MXI1: variants seen among roughly 807,000 people sequenced by gnomAD.
MXI1 encodes the protein max-interacting protein 1.
MXI1 carries 18 observed loss-of-function variants against 36.9 expected under a neutral mutation model. That is an observed-to-expected ratio of 0.49 (90% CI 0.34 to 0.72). The LOEUF (loss-of-function observed/expected upper bound fraction) is 0.72. MXI1 is among the 30% of genes least tolerant of loss of function. The pLI is 0.01. For missense variants in MXI1, 304 were observed against 379.1 expected (o/e 0.80, Z 1.64); for synonymous variants, 160 against 146.7 (o/e 1.09, Z -0.65).
At chr10:110,276,252 A>G (rs886115082) in intron 3 of MXI1, among the ~76,000 whole-genome samples, 11 of 152,102 alleles carry the variant, frequency 7.2e-5, no homozygotes, top group African/African-American at 2.4e-4. Flanking sequence ...ATTCTATATT[A>G]TTCAAGTCCA....
chr10:110,278,599 T>C (rs1024073671), intron 3 of MXI1, among the ~76,000 whole-genome samples: 1 of 152,164 alleles, frequency 6.6e-6, no homozygotes, highest in East Asian at 1.9e-4. Flanking sequence ...TCAACATTTT[T>C]ATAAGTGAAA....
At chr10:110,219,410 A>T (rs1854739674) in intron 1 of MXI1, among the ~76,000 whole-genome samples, 1 of 151,806 alleles carries the variant, frequency 6.6e-6, no homozygotes. Context: ...TAAAATCCAA[A>T]CTCCTTGTCA....
chr10:110,210,111 C>A (rs1442480903), intron 1 of MXI1: 1 of 289,056 alleles, frequency 3.5e-6, no homozygotes, highest in Non-Finnish European at 5.0e-6. Context: ...CCGGCGTGGC[C>A]ACCAGTCACG....
At chr10:110,277,343 G>A (rs1362058796) in intron 3 of MXI1, among the ~76,000 whole-genome samples, 4 of 152,038 alleles carry the variant, frequency 2.6e-5, no homozygotes, top group African/African-American at 7.2e-5. Context: ...TTGTTTCCAC[G>A]CTCCAGTCAT....
intron 1 of MXI1, among the ~76,000 whole-genome samples, chr10:110,221,701 G>A (rs1854811356): frequency 6.6e-6 from 1 of 152,256 alleles, no homozygotes; most frequent in South Asian, 2.1e-4. Flanking sequence ...GTCAAGTGCA[G>A]CTGTTTGAGC....
At chr10:110,240,975 T>C (rs1474646071) in intron 2 of MXI1, among the ~76,000 whole-genome samples, 1 of 152,034 alleles carries the variant, frequency 6.6e-6, no homozygotes, top group Non-Finnish European at 1.5e-5. Flanking sequence ...TGAGCCAAAC[T>C]GTACCATTTC....
chr10:110,273,041 C>CT (rs771024820), intron 3 of MXI1, among the ~76,000 whole-genome samples: 7,175 of 110,954 alleles, frequency 0.065, 355 homozygotes, highest in South Asian at 0.12. Flanking sequence ...GCTTGTTTAG[C>CT]TTTTTTTTTT....
chr10:110,236,124 C>CTTTTTTT lies in MXI1; in HGVS notation c.407+7836_407+7842dup, dbSNP rs60576710. On this transcript the variant is annotated intron_variant, in intron 2 of 5. Transcript: ENST00000332674. ...AGGGTGTGAAGTAAAGGTTGAAGTT[C>CTTTTTTT]TTTTTTTTTTTTTTTTTTTTTTTTT... Among the ~76,000 whole-genome samples the CTTTTTTT allele has an allele frequency of 6.6e-4, 22 of 33,576 alleles. 8 individuals carry two copies. The highest frequency in any genetic ancestry group is 1.1e-3 in the Non-Finnish European group (19 of 17,976). The allele number at this position is 33,576 out of a possible 152,430, so 22.0% of individuals were successfully genotyped here.
At chr10:110,283,038 A>T (rs1218735974) in intron 5 of MXI1, among the ~76,000 whole-genome samples, 1 of 152,064 alleles carries the variant, frequency 6.6e-6, no homozygotes, top group Non-Finnish European at 1.5e-5. Context: ...CCTTGTTATT[A>T]TCTTCTAGTT....
intron 3 of MXI1, among the ~76,000 whole-genome samples, chr10:110,246,196 G>A (rs1461888509): frequency 6.6e-6 from 1 of 151,926 alleles, no homozygotes; most frequent in South Asian, 2.1e-4. Context: ...TGGTGTGGTG[G>A]CATGCAGTCC....
chr10:110,261,767 C>T lies in MXI1; in HGVS notation c.437+16910C>T, dbSNP rs75444802. ...CTGGTCTGAGCTTTTTCATCTTCTC[C>T]TATATTTTCTACCTTTATAACTTCA... On this transcript the variant is annotated intron_variant, in intron 3 of 5. Transcript: ENST00000332674. 3.5e-4 allele frequency among the ~76,000 whole-genome samples: 53 copies of T among 152,112 alleles called. No homozygotes were observed. In the East Asian group the frequency reaches 0.01, roughly 29 times the overall value.
intron 3 of MXI1, among the ~76,000 whole-genome samples, chr10:110,258,224 A>G (rs1157913282): frequency 2.0e-5 from 3 of 152,316 alleles, no homozygotes; most frequent in African/African-American, 7.2e-5. Flanking sequence ...AATGGTGGTT[A>G]CTTCCCATTT....
intron 1 of MXI1, chr10:110,210,181 G>A: frequency 1.1e-6 from 1 of 910,772 alleles, no homozygotes; most frequent in Non-Finnish European, 1.3e-6. Flanking sequence ...GCCCGTGGCG[G>A]CGTAACCGGG....
At chr10:110,259,217 C>G (rs1301338303) in intron 3 of MXI1, among the ~76,000 whole-genome samples, 1 of 151,958 alleles carries the variant, frequency 6.6e-6, no homozygotes, top group Non-Finnish European at 1.5e-5. Flanking sequence ...AACAATTCTT[C>G]TCAAACTATG....
At chr10:110,239,226 T>C (rs1453546680) in intron 2 of MXI1, among the ~76,000 whole-genome samples, 2 of 152,130 alleles carry the variant, frequency 1.3e-5, no homozygotes, top group Admixed American at 6.6e-5. Flanking sequence ...CTCCTCCTGA[T>C]TGTGATAACC....
chr10:110,279,176 T>G lies in MXI1; in HGVS notation c.438-4T>G. On this transcript the variant is annotated splice_region_variant and splice_polypyrimidine_tract_variant and intron_variant, in intron 3 of 5. Transcript: ENST00000332674. ...GTGCTGATTTGACTTTTTGTCTTTC[T>G]TAGACGAGCTCATCTGCGCCTTTGT... The G allele has an allele frequency of 6.2e-7, 1 of 1,611,698 alleles. No homozygotes were observed. Among genetic ancestry groups the G allele is most frequent in the African/African-American group, 1.3e-5 (1 of 74,984 alleles).
At chr10:110,244,417 T>C (rs1354883733) in intron 2 of MXI1, among the ~76,000 whole-genome samples, 1 of 152,032 alleles carries the variant, frequency 6.6e-6, no homozygotes, top group African/African-American at 2.4e-5. Context: ...TTTCTCTGTT[T>C]AGAAGTGGGT....
In MXI1 at chr10:110,266,599, C is replaced by T. The variant is rs11195056; in HGVS notation, c.438-12581C>T. Reference sequence around the variant, plus strand: ...GATACCTGAACATCCAGTTCCTTAGCCCTCCATAATTTCTTAGAGGTCATT... The same window carrying T: ...GATACCTGAACATCCAGTTCCTTAGTCCTCCATAATTTCTTAGAGGTCATT... On this transcript the variant is annotated intron_variant, in intron 3 of 5. Coordinates refer to ENST00000332674, the MANE Select transcript of MXI1 (RefSeq NM_130439.3). Among the ~76,000 whole-genome samples the T allele has an allele frequency of 5.2e-3, 785 of 152,296 alleles. 6 individuals are homozygous for T. The highest frequency in any genetic ancestry group is 0.018 in the African/African-American group (739 of 41,558).
chr10:110,275,913 G>A (rs552147941), intron 3 of MXI1, among the ~76,000 whole-genome samples: 3 of 152,174 alleles, frequency 2.0e-5, no homozygotes, highest in Non-Finnish European at 4.4e-5. Context: ...GGTGTAAGCT[G>A]TATCTCAGAG....
Sources: gnomAD v4.1 joint callset for allele counts (sites outside exome capture counted in the v4.1 genomes callset) on GRCh38, gnomAD v4.1.1 for gene constraint, MANE v1.5 for transcripts, NCBI Gene and HGNC (gene_info 2026-07-23, HGNC 2026-07-21) for gene names.